Variants in GSE1 observed in about 807,000 individuals in gnomAD.
GSE1 encodes the protein genetic suppressor element 1.
In GSE1, 32 loss-of-function variants were observed where a neutral mutation model predicts 112.6. The ratio of observed to expected loss-of-function variants is 0.28; its 90% CI spans 0.21 to 0.38. The LOEUF (loss-of-function observed/expected upper bound fraction) is 0.38, where lower values mean the gene tolerates loss of function less well. GSE1 is among the 10% of genes least tolerant of loss of function. The pLI is 1.00. For synonymous variants in GSE1, 1,115 were observed against 735.6 expected (o/e 1.52, Z -8.35); for missense variants, 2,348 against 1,699.2 (o/e 1.38, Z -6.71).
intron 2 of GSE1, among the ~76,000 whole-genome samples, chr16:85,515,108 C>T (rs921135922): frequency 3.3e-5 from 5 of 152,208 alleles, no homozygotes; most frequent in Non-Finnish European, 5.9e-5. Context: ...GCTCCGCCTC[C>T]GGGGAGCCCA....
At chr16:85,574,471 G>A (rs1172411102) in intron 1 of GSE1, among the ~76,000 whole-genome samples, 1 of 152,328 alleles carries the variant, frequency 6.6e-6, no homozygotes, top group East Asian at 1.9e-4. Context: ...CTCCCTGCGC[G>A]TCAGCAGTAG....
intron 2 of GSE1, among the ~76,000 whole-genome samples, chr16:85,403,679 G>A (rs978781654): frequency 1.2e-4 from 19 of 152,232 alleles, no homozygotes; most frequent in Admixed American, 3.9e-4. Flanking sequence ...GCACATGCCT[G>A]TGGTCCCAGC....
chr16:85,319,075 A>C (rs1292879593), intron 1 of GSE1, among the ~76,000 whole-genome samples: 1 of 151,930 alleles, frequency 6.6e-6, no homozygotes, highest in Non-Finnish European at 1.5e-5. Context: ...ATTAGATGTG[A>C]ACTTGTGGGG....
intron 2 of GSE1, among the ~76,000 whole-genome samples, chr16:85,364,229 A>G (rs1597492537): frequency 6.6e-6 from 1 of 152,042 alleles, no homozygotes. Flanking sequence ...AAATCCAGCA[A>G]CTCAGCGTCT....
At chr16:85,414,027 T>G (rs891962461) in intron 2 of GSE1, among the ~76,000 whole-genome samples, 1 of 152,208 alleles carries the variant, frequency 6.6e-6, no homozygotes, top group African/African-American at 2.4e-5. Flanking sequence ...TCCCCAGCCA[T>G]GCAGAACTGT....
intron 1 of GSE1, among the ~76,000 whole-genome samples, chr16:85,577,340 G>A (rs935057167): frequency 2.0e-5 from 3 of 152,198 alleles, no homozygotes; most frequent in Admixed American, 6.5e-5. Flanking sequence ...GTGTGCATTC[G>A]GGGCACTTGG....
chr16:85,246,368 CCACACGCTGTCT>C (rs1905755342), intron 1 of GSE1, among the ~76,000 whole-genome samples: 5 of 107,242 alleles, frequency 4.7e-5, no homozygotes, highest in Non-Finnish European at 9.6e-5. Flanking sequence ...CACACACACA[CCACACGCTGTCT>C]ACACACACAC....
At chr16:85,530,035 C>T (rs1235470454) in intron 2 of GSE1, among the ~76,000 whole-genome samples, 3 of 152,200 alleles carry the variant, frequency 2.0e-5, no homozygotes, top group African/African-American at 2.4e-5. Flanking sequence ...ACAACCTGCC[C>T]GCATGTACCC....
chr16:85,614,096 C>G (rs889579929), intron 1 of GSE1, among the ~76,000 whole-genome samples: 19 of 150,500 alleles, frequency 1.3e-4, no homozygotes, highest in Admixed American at 6.6e-4. Flanking sequence ...TCCCCTCCCC[C>G]CCGCAGAAGA....
chr16:85,283,770 A>T (rs2044929996), intron 1 of GSE1, among the ~76,000 whole-genome samples: 1 of 152,238 alleles, frequency 6.6e-6, no homozygotes, highest in Non-Finnish European at 1.5e-5. Flanking sequence ...TTCAGCCCTC[A>T]AACAGCCCCT....
At chr16:85,576,894 C>T (rs2046249445) in intron 1 of GSE1, among the ~76,000 whole-genome samples, 1 of 152,186 alleles carries the variant, frequency 6.6e-6, no homozygotes, top group South Asian at 2.1e-4. Context: ...ACAGCTTCTC[C>T]CACCCCAGTT....
At chr16:85,313,358 G>GTT (rs2045904893) in intron 1 of GSE1, among the ~76,000 whole-genome samples, 2 of 152,144 alleles carry the variant, frequency 1.3e-5, no homozygotes, top group South Asian at 2.1e-4. Context: ...GTGATTCCGT[G>GTT]TTTGGGGAGG....
intron 1 of GSE1, among the ~76,000 whole-genome samples, chr16:85,590,049 CTGTG>C (rs61150792): frequency 2.6e-5 from 4 of 151,868 alleles, no homozygotes; most frequent in African/African-American, 9.7e-5. Context: ...AATGTGTGAA[CTGTG>C]TGTTTATGAA....
At chr16:85,413,637 G>C (rs1013597652) in intron 2 of GSE1, among the ~76,000 whole-genome samples, 1 of 152,188 alleles carries the variant, frequency 6.6e-6, no homozygotes, top group South Asian at 2.1e-4. Context: ...CACTGGCCTA[G>C]CAGACTGTAC....
chr16:85,560,587 G>A (rs533572692), intron 1 of GSE1, among the ~76,000 whole-genome samples: 606 of 152,274 alleles, frequency 4.0e-3, no homozygotes, highest in African/African-American at 0.014. Flanking sequence ...AGGGGCATGT[G>A]TGAAAGGAGA....
chr16:85,362,541 C>G (rs2047103193), intron 2 of GSE1, among the ~76,000 whole-genome samples: 1 of 152,240 alleles, frequency 6.6e-6, no homozygotes, highest in Non-Finnish European at 1.5e-5. Context: ...GGCTCAGCTG[C>G]TCTGACTACT....
chr16:85,635,077 C>T (rs1026485879), intron 2 of GSE1, among the ~76,000 whole-genome samples: 2 of 152,200 alleles, frequency 1.3e-5, no homozygotes, highest in Non-Finnish European at 2.9e-5. Context: ...GAGCCATGTC[C>T]GTCTTTACAT....
intron 1 of GSE1, among the ~76,000 whole-genome samples, chr16:85,556,965 C>G (rs1598170941): frequency 6.6e-6 from 1 of 152,002 alleles, no homozygotes; most frequent in Non-Finnish European, 1.5e-5. Context: ...CCTTCCTGCG[C>G]GGTGACAGCC....
chr16:85,429,745 C>T (rs1319846722), intron 2 of GSE1, among the ~76,000 whole-genome samples: 1 of 152,256 alleles, frequency 6.6e-6, no homozygotes, highest in Non-Finnish European at 1.5e-5. Flanking sequence ...CTGCTCCCAC[C>T]TGCACAGCCC....
Sources: allele counts gnomAD v4.1 joint callset (sites outside exome capture counted in the v4.1 genomes callset), GRCh38; gene constraint gnomAD v4.1.1; transcripts MANE v1.5; gene names NCBI Gene and HGNC (gene_info 2026-07-23, HGNC 2026-07-21).